DNAH6: variants seen among roughly 807,000 people sequenced by gnomAD.
DNAH6 encodes axonemal beta dynein heavy chain 6.
DNAH6 carries 340 observed loss-of-function variants against 491.4 expected under a neutral mutation model. That is an observed-to-expected ratio of 0.69 (90% CI 0.63 to 0.76). The LOEUF (loss-of-function observed/expected upper bound fraction) is 0.76. Among genes scored for constraint, DNAH6 ranks in the 30% least tolerant of loss-of-function variants. DNAH6 has a pLI of 0.00. For synonymous variants in DNAH6, 1,603 were observed against 1,686.1 expected (o/e 0.95, Z 1.21); for missense variants, 4,443 against 4,972.2 (o/e 0.89, Z 3.20).
At chr2:84,781,270 A>G (rs1208386654) in intron 64 of DNAH6, among the ~76,000 whole-genome samples, 2 of 152,150 alleles carry the variant, frequency 1.3e-5, no homozygotes, top group Non-Finnish European at 2.9e-5. Flanking sequence ...ATTTGTGATC[A>G]TTTGTAGAGC....
At chr2:84,525,491 C>T in intron 2 of DNAH6, 74 bp from the exon 3 acceptor site, 2 of 1,407,708 alleles carry the variant, frequency 1.4e-6, no homozygotes, top group Non-Finnish European at 1.9e-6. Flanking sequence ...GAGAAAGAGT[C>T]CAAAGGTAGT....
chr2:84,648,872 G>T (rs966966043), intron 33 of DNAH6, among the ~76,000 whole-genome samples: 2 of 152,210 alleles, frequency 1.3e-5, no homozygotes, highest in Non-Finnish European at 2.9e-5. Flanking sequence ...AAGAAGTTCT[G>T]CTGTGAGTAA....
At chr2:84,798,739 C>T (rs1043746028) in intron 70 of DNAH6, among the ~76,000 whole-genome samples, 9 of 152,182 alleles carry the variant, frequency 5.9e-5, no homozygotes, top group Admixed American at 4.6e-4. Context: ...ACAGCCTCCA[C>T]GGCCCTGCCT....
chr2:84,473,559 AG>A, the DNAH6 span, among the ~76,000 whole-genome samples: 1 of 152,226 alleles, frequency 6.6e-6, no homozygotes, highest in Non-Finnish European at 1.5e-5. Flanking sequence ...TTCTTTGGAC[AG>A]GGAGCGTTTA....
Position 84,587,628 on chromosome 2 carries a change from A to C in DNAH6, c.2482-1198A>C, listed in dbSNP as rs1271863154. Among the ~76,000 whole-genome samples the C allele has an allele frequency of 4.3e-4, 66 of 152,206 alleles. 1 individual carries two copies. Among genetic ancestry groups the C allele is most frequent in the Admixed American group, 4.3e-3 (66 of 15,286 alleles). On this transcript the variant is annotated intron_variant, in intron 15 of 76. Transcript: ENST00000389394. ...GAATTAGGGAGAAAACCTAAATGTG[A>C]CCATTAATGATAATTTATTTCAGTT...
At chr2:84,662,580 T>A (rs1175085073) in intron 37 of DNAH6, among the ~76,000 whole-genome samples, 6 of 152,126 alleles carry the variant, frequency 3.9e-5, no homozygotes. Context: ...TGCTGAGGCT[T>A]GAGTAGGTAA....
chr2:84,508,245 T>A, the DNAH6 span, among the ~76,000 whole-genome samples: 1 of 152,180 alleles, frequency 6.6e-6, no homozygotes, highest in Admixed American at 6.5e-5. Context: ...TAATTTCAGA[T>A]CCTGTTATTG....
Position 84,624,256 on chromosome 2 carries a change from T to C in DNAH6, c.4072-9T>C. On this transcript the variant is annotated splice_polypyrimidine_tract_variant and intron_variant, in intron 26 of 76. Coordinates refer to ENST00000389394, the MANE Select transcript of DNAH6 (RefSeq NM_001370.2). ...GAAAATTCACCATGACAATTTTTTT[T>C]ATTTGTAGAGATTAAATGCCCTAGC... The C allele has an allele frequency of 6.5e-7, 1 of 1,533,652 alleles. No individual in the cohort carries two copies. Among genetic ancestry groups the C allele is most frequent in the Non-Finnish European group, 8.8e-7 (1 of 1,141,754 alleles).
At chr2:84,550,775 G>A (rs1335879892) in intron 9 of DNAH6, among the ~76,000 whole-genome samples, 1 of 152,134 alleles carries the variant, frequency 6.6e-6, no homozygotes, top group Admixed American at 6.6e-5. Flanking sequence ...GGACATAAAT[G>A]CTCCTTGTGG....
chr2:84,720,232 C>G (rs957706179), intron 59 of DNAH6, among the ~76,000 whole-genome samples: 48 of 123,300 alleles, frequency 3.9e-4, no homozygotes, highest in African/African-American at 1.4e-3. Flanking sequence ...ACAACCAATT[C>G]TTATTTTAAG....
At chr2:84,667,747 C>T (rs189803203) in intron 37 of DNAH6, among the ~76,000 whole-genome samples, 1 of 152,282 alleles carries the variant, frequency 6.6e-6, no homozygotes, top group East Asian at 1.9e-4. Context: ...TGGGTATATA[C>T]CCAAAGATTA....
At chr2:84,725,590 C>T (rs1054683418) in intron 60 of DNAH6, among the ~76,000 whole-genome samples, 2 of 152,166 alleles carry the variant, frequency 1.3e-5, no homozygotes, top group Admixed American at 1.3e-4. Context: ...AATTTATGCT[C>T]TTCAAGTTTT....
chr2:84,795,673 A>G (rs1436302589), intron 68 of DNAH6, among the ~76,000 whole-genome samples: 13 of 152,318 alleles, frequency 8.5e-5, no homozygotes, highest in African/African-American at 2.6e-4. Context: ...AAGAAATTAT[A>G]TCAGCAATAG....
chr2:84,722,771 T>A lies in DNAH6; in HGVS notation c.9939T>A (p.Pro3313=), dbSNP rs1211182620. The part of the protein sequence containing the change: ...FVIASLSEID[P]MYQYSLKYFK... ...TTGCAAGCCTCTCAGAAATAGATCC[T>A]ATGTACCAGTACTCATTAAAATACT... Residue 3313 remains proline (P), a synonymous_variant, in exon 60 of 77, where the codon CCT becomes CCA. Coordinates refer to ENST00000389394, the MANE Select transcript of DNAH6 (RefSeq NM_001370.2). The A allele has an allele frequency of 6.5e-7, 1 of 1,529,364 alleles. No homozygotes were observed. The highest frequency in any genetic ancestry group is 8.8e-7 in the Non-Finnish European group (1 of 1,139,878). 94.7% of individuals were successfully genotyped at this position (1,529,364 alleles called of 1,614,324 possible). A position where few individuals can be genotyped will look rare whatever the true frequency, so the allele number is the denominator to read the frequency against.
At chr2:84,746,851 T>C (rs886181619) in intron 63 of DNAH6, among the ~76,000 whole-genome samples, 2 of 151,952 alleles carry the variant, frequency 1.3e-5, no homozygotes, top group African/African-American at 4.8e-5. Context: ...TTACATATGG[T>C]GAAAGGCAAA....
chr2:84,771,699 C>CT (rs1675638299), intron 64 of DNAH6, among the ~76,000 whole-genome samples: 1 of 152,130 alleles, frequency 6.6e-6, no homozygotes, highest in Non-Finnish European at 1.5e-5. Flanking sequence ...GAAAGAGGGA[C>CT]TGTTAACCAA....
At chr2:84,589,014 A>G (rs559576046) in intron 16 of DNAH6, 60 bp downstream of exon 16, 6 of 1,419,348 alleles carry the variant, frequency 4.2e-6, no homozygotes, top group East Asian at 5.2e-5. Flanking sequence ...GCGTATATGC[A>G]CAAGGACTTC....
intron 45 of DNAH6, 143 bp downstream of exon 45, chr2:84,688,736 T>C: frequency 1.6e-6 from 1 of 642,228 alleles, no homozygotes; most frequent in Non-Finnish European, 2.4e-6. Flanking sequence ...ACTTAAGAGT[T>C]ATTGTTTAAC....
chr2:84,683,922 G>A (rs1694048076), intron 42 of DNAH6, among the ~76,000 whole-genome samples: 1 of 152,236 alleles, frequency 6.6e-6, no homozygotes, highest in South Asian at 2.1e-4. Context: ...GGAATGAACT[G>A]GGAGATGCTG....
Sources: gnomAD v4.1 joint callset for allele counts (sites outside exome capture counted in the v4.1 genomes callset) on GRCh38, gnomAD v4.1.1 for gene constraint, MANE v1.5 for transcripts, NCBI Gene and HGNC (gene_info 2026-07-23, HGNC 2026-07-21) for gene names.